Variants in ELP2 observed in about 807,000 individuals in gnomAD.
ELP2 encodes elongator complex protein 2.
A neutral mutation model predicts 119.2 loss-of-function variants in ELP2; 90 were observed. That is an observed-to-expected ratio of 0.75 (90% CI 0.64 to 0.90). The LOEUF is 0.90. Ranked by LOEUF, ELP2 falls within the 40% of genes least tolerant of loss-of-function variation. The pLI is 0.00. For synonymous variants in ELP2, 339 were observed against 331.0 expected, an observed-to-expected ratio of 1.02 and a Z score of -0.26; for missense variants, 921 against 967.8, an observed-to-expected ratio of 0.95 and a Z score of 0.64.
Position 36,175,942 on chromosome 18 carries a change from T to C in ELP2, c.*1301T>C, listed in dbSNP as rs774403736. On this transcript the variant is annotated 3_prime_UTR_variant, in exon 22 of 22. Transcript: ENST00000358232. ...TTGCTTCCAAAGGGGTTAAGATGTTTTACCTAAATGGAGGTTTCTAGGTCA... is the reference window on the plus strand; with the variant it reads ...TTGCTTCCAAAGGGGTTAAGATGTTCTACCTAAATGGAGGTTTCTAGGTCA... The C allele has an allele frequency of 3.9e-5, 6 of 152,186 alleles. No individual in the cohort carries two copies. The highest frequency in any genetic ancestry group is 7.3e-5 in the Non-Finnish European group (5 of 68,030). The allele number at this position is 152,186 out of a possible 1,614,324, so 9.4% of individuals were successfully genotyped here. A position where few individuals can be genotyped will look rare whatever the true frequency, so the allele number is the denominator to read the frequency against.
Position 36,171,083 on chromosome 18 carries a change from T to A in ELP2, c.2247T>A (p.Ile749=). 2.5e-6 allele frequency: 4 copies of A among 1,614,090 alleles called. No individual in the cohort carries two copies. Among genetic ancestry groups the A allele is most frequent in the Non-Finnish European group, 3.4e-6 (4 of 1,179,922 alleles). Residue 749 remains isoleucine, a synonymous_variant, in exon 21 of 22, where the codon ATT becomes ATA. Coordinates refer to ENST00000358232, the MANE Select transcript of ELP2 (RefSeq NM_018255.4). The part of the protein sequence containing the change: ...VVAVGLECGK[I]CLYTWKKTDQ... ...CAGTAGGATTGGAGTGTGGAAAGAT[T>A]TGCTTATATACCTGGAAAAAGACTG...
intron 16 of ELP2, 22 bp from the exon 17 acceptor site, chr18:36,160,910 T>G: frequency 6.4e-7 from 1 of 1,551,402 alleles, no homozygotes; most frequent in Non-Finnish European, 8.9e-7. Context: ...CTAATAGTAC[T>G]TTTTTTCTTT....
At chr18:36,170,753 CT>C in intron 20 of ELP2, 1 of 460,324 alleles carries the variant, frequency 2.2e-6, no homozygotes, top group Admixed American at 3.6e-5. Context: ...GACTATAATA[CT>C]TTCTCTGTAA....
At chr18:36,163,278 G>GTGTGTGTGTGTGTA (rs1298825919) in intron 17 of ELP2, among the ~76,000 whole-genome samples, 1 of 151,514 alleles carries the variant, frequency 6.6e-6, no homozygotes, top group Non-Finnish European at 1.5e-5. Flanking sequence ...CATGGGGGGT[G>GTGTGTGTGTGTGTA]TGTGTGTGTG....
intron 19 of ELP2, among the ~76,000 whole-genome samples, chr18:36,168,941 T>TC (rs1389072026): frequency 3.7e-4 from 29 of 78,878 alleles, no homozygotes; most frequent in African/African-American, 1.3e-3. Context: ...TTTTTTTTTT[T>TC]GAGATGGAGT....
chr18:36,143,694 G>A (rs2090113802), intron 8 of ELP2, among the ~76,000 whole-genome samples: 1 of 152,080 alleles, frequency 6.6e-6, no homozygotes, highest in Admixed American at 6.5e-5. Flanking sequence ...ACCATGCTTG[G>A]CCTGATACTT....
rs1247714140 is a variant in ELP2, at chr18:36,170,151, CTGTGACAGCT to C, written c.2166_2175del (p.Val723SerfsTer17). 6.2e-7 allele frequency: 1 copy of C among 1,613,964 alleles called. No homozygotes were observed. The highest frequency in any genetic ancestry group is 2.2e-5 in the East Asian group (1 of 44,880). On this transcript the variant is annotated frameshift_variant, in exon 20 of 22. Coordinates refer to ENST00000358232, the MANE Select transcript of ELP2 (RefSeq NM_018255.4). LOFTEE classifies it high-confidence loss of function. Reference sequence around the variant, plus strand: ...TCCTCAGTCCTGGACGTGGGTGGGGCTGTGACAGCTGTCAGCGTCTGCCCAGTGCTCCACC... The same window carrying C: ...TCCTCAGTCCTGGACGTGGGTGGGGCGTCAGCGTCTGCCCAGTGCTCCACC...
chr18:36,166,529 A>G (rs148701353), intron 18 of ELP2, among the ~76,000 whole-genome samples: 8,292 of 151,516 alleles, frequency 0.055, 337 homozygotes, highest in East Asian at 0.17. Flanking sequence ...ACGGGGTTTC[A>G]TCATGTTGGG....
At chr18:36,133,397 T>G (rs2089706449) in intron 2 of ELP2, 81 bp downstream of exon 2, 2 of 986,718 alleles carry the variant, frequency 2.0e-6, no homozygotes, top group Non-Finnish European at 3.3e-6. Context: ...TCATCACTTC[T>G]CTTAATTTAG....
At chr18:36,168,515 G>A (rs1568025685) in intron 19 of ELP2, among the ~76,000 whole-genome samples, 1 of 152,204 alleles carries the variant, frequency 6.6e-6, no homozygotes, top group Non-Finnish European at 1.5e-5. Flanking sequence ...TCTTCACGTG[G>A]TGGCAGGAGA....
Position 36,133,219 on chromosome 18 carries a change from T to C in ELP2, c.139-19T>C. 1 of 1,560,624 alleles carries C rather than the reference T, an allele frequency of 6.4e-7. No individual in the cohort carries two copies. The highest frequency in any genetic ancestry group is 8.8e-7 in the Non-Finnish European group (1 of 1,131,458). Reference sequence around the variant, plus strand: ...GTAGGATAAATTCCAGTTTACTAACTGTATTTTCTTCTCTAAAGAAAAGGG... The same window carrying C: ...GTAGGATAAATTCCAGTTTACTAACCGTATTTTCTTCTCTAAAGAAAAGGG... On this transcript the variant is annotated intron_variant, in intron 1 of 21. Transcript: ENST00000358232.
chr18:36,137,569 TAAAA>T (rs2089870357), intron 3 of ELP2, among the ~76,000 whole-genome samples: 2 of 152,058 alleles, frequency 1.3e-5, no homozygotes, highest in East Asian at 3.9e-4. Context: ...ATTTGAAACT[TAAAA>T]AAAGATAAAC....
rs956541135 is a variant in ELP2, at chr18:36,175,056, C to A, written c.*415C>A. 1.0e-5 allele frequency: 2 copies of A among 192,300 alleles called. No individual in the cohort carries two copies. Among genetic ancestry groups the A allele is most frequent in the Non-Finnish European group, 2.2e-5 (2 of 90,952 alleles). 11.9% of individuals were successfully genotyped at this position (192,300 alleles called of 1,614,324 possible). ...TTTCAGTGCTAGACCCTTTGAAATGCGATGAAAGCTATATGGACCCTTCGC... is the reference window on the plus strand; with the variant it reads ...TTTCAGTGCTAGACCCTTTGAAATGAGATGAAAGCTATATGGACCCTTCGC... On this transcript the variant is annotated 3_prime_UTR_variant, in exon 22 of 22. Transcript: ENST00000358232.
Position 36,158,664 on chromosome 18 carries a change from C to T in ELP2, c.1465-171C>T, listed in dbSNP as rs2082969215. 3 of 571,042 alleles carry T rather than the reference C, an allele frequency of 5.3e-6. No individual in the cohort carries two copies. In the Admixed American group the frequency reaches 8.9e-5, roughly 17 times the overall value. The allele number at this position is 571,042 out of a possible 1,614,324, so 35.4% of individuals were successfully genotyped here. A position where few individuals can be genotyped will look rare whatever the true frequency, so the allele number is the denominator to read the frequency against. ...ATTGCTTAGCATTGCATTGTTGGTT[C>T]AGGAAGTGAAAGTACGGGTAGACAT... On this transcript the variant is annotated intron_variant, in intron 13 of 21. Transcript: ENST00000358232.
At chr18:36,168,913 CTTTTTTTTTTTTTTTTTTT>C (rs61459855) in intron 19 of ELP2, among the ~76,000 whole-genome samples, 3 of 69,258 alleles carry the variant, frequency 4.3e-5, no homozygotes, top group South Asian at 1.5e-3. Flanking sequence ...CTCTCCATTT[CTTTTTTTTTTTTTTTTTTT>C]TTTTTTTTTG....
rs999157132 is a variant in ELP2, at chr18:36,178,461, C to T, written c.*3820C>T. On this transcript the variant is annotated 3_prime_UTR_variant, in exon 22 of 22. Transcript: ENST00000358232. ...TGAAAGATACTTGAGACGTGTGAAT[C>T]CAGTGCAATGTATGAACCTTGTTTG... 1 of 152,248 alleles carries T rather than the reference C, an allele frequency of 6.6e-6. No individual in the cohort carries two copies. Among genetic ancestry groups the T allele is most frequent in the South Asian group, 2.1e-4 (1 of 4,822 alleles). 9.4% of individuals were successfully genotyped at this position (152,248 alleles called of 1,614,324 possible). A position where few individuals can be genotyped will look rare whatever the true frequency, so the allele number is the denominator to read the frequency against.
chr18:36,155,619 G>T (rs1354046115), intron 12 of ELP2, among the ~76,000 whole-genome samples: 2 of 152,050 alleles, frequency 1.3e-5, no homozygotes, highest in Non-Finnish European at 2.9e-5. Flanking sequence ...GCTCAGGCTG[G>T]CCTTGAACTC....
chr18:36,170,463 C>T (rs1245581794), intron 20 of ELP2, among the ~76,000 whole-genome samples: 1 of 152,020 alleles, frequency 6.6e-6, no homozygotes, highest in Non-Finnish European at 1.5e-5. Context: ...AGGCATGCGC[C>T]GTCACGCCTG....
At chr18:36,148,092 G>GTTTTTTTTTTTTTTTTTT (rs201797653) in intron 11 of ELP2, among the ~76,000 whole-genome samples, 1 of 113,840 alleles carries the variant, frequency 8.8e-6, no homozygotes, top group Non-Finnish European at 2.0e-5. Flanking sequence ...TCATGGTCAG[G>GTTTTTTTTTTTTTTTTTT]TTTTTGTTTT....
Sources: allele counts gnomAD v4.1 joint callset (sites outside exome capture counted in the v4.1 genomes callset), GRCh38; gene constraint gnomAD v4.1.1; transcripts MANE v1.5; gene names NCBI Gene and HGNC (gene_info 2026-07-23, HGNC 2026-07-21).